The following SNX4 variants were observed in gnomAD, a reference collection of about 807,000 sequenced individuals.
The protein encoded by SNX4 is sorting nexin 4.
A neutral mutation model predicts 70.8 loss-of-function variants in SNX4; 49 were observed. That is an observed-to-expected ratio of 0.69 (90% CI 0.55 to 0.88). The LOEUF is 0.88. Among genes scored for constraint, SNX4 ranks in the 40% least tolerant of loss-of-function variants. The pLI is 0.00. For synonymous variants in SNX4, 206 were observed against 183.8 expected, an observed-to-expected ratio of 1.12 and a Z score of -0.98; for missense variants, 528 against 544.8, an observed-to-expected ratio of 0.97 and a Z score of 0.31.
chr3:125,516,734 G>C (rs1051055536), intron 1 of SNX4, among the ~76,000 whole-genome samples: 2 of 152,102 alleles, frequency 1.3e-5, no homozygotes, highest in Admixed American at 1.3e-4. Flanking sequence ...ACAGCTACTC[G>C]GGAGGCTGAG....
In SNX4 at chr3:125,447,688, T is replaced by A. The variant is rs1933458462; in HGVS notation, c.*91A>T. On this transcript the variant is annotated 3_prime_UTR_variant, in exon 14 of 14. Coordinates refer to ENST00000251775, the MANE Select transcript of SNX4 (RefSeq NM_003794.4). The stretch of plus-strand genomic sequence containing the variant: ...ATTTATTTAACTTATTGTATATGTT[T>A]ATGTATACTAGGTAGTGACTTAAAT... 1.2e-6 allele frequency: 1 copy of A among 800,570 alleles called. No homozygotes were observed. The highest frequency in any genetic ancestry group is 2.7e-5 in the Admixed American group (1 of 37,706). The allele number at this position is 800,570 out of a possible 1,614,324, so 49.6% of individuals were successfully genotyped here. A position where few individuals can be genotyped will look rare whatever the true frequency, so the allele number is the denominator to read the frequency against.
Position 125,447,134 on chromosome 3 carries a change from G to A in SNX4, c.*645C>T, listed in dbSNP as rs1444594045. On this transcript the variant is annotated 3_prime_UTR_variant, in exon 14 of 14. Transcript: ENST00000251775. ...ATAGGAGTTGCTAGAGGATGACAAT[G>A]TATCCCATTATAGATCTGAGAAGTT... The A allele has an allele frequency of 6.6e-6, 1 of 152,570 alleles. No individual in the cohort carries two copies. The highest frequency in any genetic ancestry group is 6.5e-5 in the Admixed American group (1 of 15,268). The allele number at this position is 152,570 out of a possible 1,614,324, so 9.5% of individuals were successfully genotyped here.
At chr3:125,517,762 G>C (rs1367525821) in intron 1 of SNX4, among the ~76,000 whole-genome samples, 2 of 151,998 alleles carry the variant, frequency 1.3e-5, no homozygotes, top group Non-Finnish European at 2.9e-5. Flanking sequence ...GATCGCCTGA[G>C]GTCAGGAGTT....
intron 8 of SNX4, among the ~76,000 whole-genome samples, chr3:125,474,340 CAG>C (rs1434887700): frequency 6.6e-6 from 1 of 151,996 alleles, no homozygotes; most frequent in African/African-American, 2.4e-5. Flanking sequence ...TTTTGAGAGA[CAG>C]GGTGTTGCTC....
At chr3:125,454,447 G>A (rs4679396) in intron 11 of SNX4, among the ~76,000 whole-genome samples, 25,894 of 152,196 alleles carry the variant, frequency 0.17, 2,250 homozygotes, top group Non-Finnish European at 0.19. Context: ...GTTTCATCCC[G>A]AAATCATCCT....
At chr3:125,475,500 G>A (rs967252125) in intron 8 of SNX4, among the ~76,000 whole-genome samples, 1 of 152,152 alleles carries the variant, frequency 6.6e-6, no homozygotes, top group African/African-American at 2.4e-5. Flanking sequence ...GAGTAGCTGG[G>A]ATTATAGGAG....
At chr3:125,472,153 A>G (rs1418200934) in intron 8 of SNX4, among the ~76,000 whole-genome samples, 1 of 152,200 alleles carries the variant, frequency 6.6e-6, no homozygotes, top group Non-Finnish European at 1.5e-5. Context: ...CAATTGCCAT[A>G]ATTTTACAAA....
chr3:125,475,194 C>A (rs1305822196), intron 8 of SNX4, among the ~76,000 whole-genome samples: 1 of 151,996 alleles, frequency 6.6e-6, no homozygotes, highest in African/African-American at 2.4e-5. Context: ...TATTGATCAA[C>A]CAAAGACATA....
chr3:125,499,652 C>CA (rs976347876), intron 2 of SNX4, among the ~76,000 whole-genome samples: 22 of 150,520 alleles, frequency 1.5e-4, no homozygotes, highest in Non-Finnish European at 2.5e-4. Flanking sequence ...TCTCAAGTTT[C>CA]AAATTATTCA....
At chr3:125,519,995 C>A in intron 1 of SNX4, 37 bp downstream of exon 1, 1 of 1,524,836 alleles carries the variant, frequency 6.6e-7, no homozygotes, top group Non-Finnish European at 8.8e-7. Context: ...TAGGCCACCA[C>A]ACAGGCCATG....
At chr3:125,510,574 A>G (rs1260821751) in intron 1 of SNX4, among the ~76,000 whole-genome samples, 1 of 152,198 alleles carries the variant, frequency 6.6e-6, no homozygotes, top group Non-Finnish European at 1.5e-5. Context: ...ATGGAATACC[A>G]TTCATCCTTA....
intron 9 of SNX4, among the ~76,000 whole-genome samples, chr3:125,463,360 G>C (rs968436925): frequency 1.3e-5 from 2 of 152,262 alleles, no homozygotes; most frequent in Non-Finnish European, 2.9e-5. Context: ...AAAACAAAGA[G>C]GACTTGTGGC....
intron 1 of SNX4, among the ~76,000 whole-genome samples, chr3:125,518,833 T>A (rs1935333232): frequency 1.3e-5 from 2 of 150,618 alleles, no homozygotes; most frequent in African/African-American, 4.9e-5. Flanking sequence ...CAAAACTCCA[T>A]CCTTACTAAA....
At chr3:125,464,326 A>T (rs1258740123) in intron 9 of SNX4, among the ~76,000 whole-genome samples, 1 of 151,918 alleles carries the variant, frequency 6.6e-6, no homozygotes, top group African/African-American at 2.4e-5. Flanking sequence ...ATTTAAAGTA[A>T]TTTTTTCTTT....
At position 125,520,091 on chromosome 3, in the gene SNX4, C is replaced by G; in HGVS notation, c.82G>C (p.Gly28Arg). The G allele has an allele frequency of 6.5e-7, 1 of 1,533,204 alleles. No individual in the cohort carries two copies. Among genetic ancestry groups the G allele is most frequent in the Non-Finnish European group, 8.7e-7 (1 of 1,143,864 alleles). 95.0% of individuals were successfully genotyped at this position (1,533,204 alleles called of 1,614,324 possible). Residue 28 changes from glycine (G) to arginine (R), a missense_variant, in exon 1 of 14, where the codon GGG (glycine) becomes CGG (arginine). Coordinates refer to ENST00000251775, the MANE Select transcript of SNX4 (RefSeq NM_003794.4). ...TCCGCTTCCTTGCCGACCGCAGCCCCCAGCCCAGCGTCTGGGGAGCCCAGC... is the reference window on the plus strand; with the variant it reads ...TCCGCTTCCTTGCCGACCGCAGCCCGCAGCCCAGCGTCTGGGGAGCCCAGC... ...EPLGSPDAGL[G>R]AAVGKEAEGA...
intron 1 of SNX4, among the ~76,000 whole-genome samples, chr3:125,508,262 A>G (rs1171808387): frequency 6.6e-6 from 1 of 152,186 alleles, no homozygotes; most frequent in East Asian, 1.9e-4. Flanking sequence ...AAATAGCCAA[A>G]GCAATCTTGA....
rs1003304441 is a variant in SNX4, at chr3:125,520,153, T to C, written c.20A>G (p.Asp7Gly). MEQAPP[D>G]PERQLQPAPL... The stretch of plus-strand genomic sequence containing the variant: ...CGCCGGCTGGAGCTGCCGCTCGGGG[T>C]CCGGAGGTGCCTGCTCCATGGCTGC... The change falls in exon 1 of 14, where the codon GAC becomes GGC. Residue 7 changes from aspartate to glycine, a missense_variant. Asp to Gly is a moderately conservative substitution (Grantham distance 94, BLOSUM62 -1). Transcript: ENST00000251775. 1 of 1,398,950 alleles carries C rather than the reference T, an allele frequency of 7.1e-7. No homozygotes were observed. Among genetic ancestry groups the C allele is most frequent in the Non-Finnish European group, 9.2e-7 (1 of 1,081,292 alleles). The allele number at this position is 1,398,950 out of a possible 1,614,324, so 86.7% of individuals were successfully genotyped here. A position where few individuals can be genotyped will look rare whatever the true frequency, so the allele number is the denominator to read the frequency against.
At chr3:125,517,317 C>A (rs1435605038) in intron 1 of SNX4, among the ~76,000 whole-genome samples, 1 of 152,208 alleles carries the variant, frequency 6.6e-6, no homozygotes, top group Admixed American at 6.5e-5. Flanking sequence ...ATTTACCCAT[C>A]TATTGGAAGT....
chr3:125,454,112 A>G (rs913976593), intron 11 of SNX4, among the ~76,000 whole-genome samples, 157 bp from the exon 12 acceptor site: 1 of 152,256 alleles, frequency 6.6e-6, no homozygotes, highest in Non-Finnish European at 1.5e-5. Context: ...AATAAGACAG[A>G]TACAAAAAGA....
Sources: allele counts gnomAD v4.1 joint callset (sites outside exome capture counted in the v4.1 genomes callset), GRCh38; gene constraint gnomAD v4.1.1; transcripts MANE v1.5; gene names NCBI Gene and HGNC (gene_info 2026-07-23, HGNC 2026-07-21).